Variants in ACYP2 observed in about 807,000 individuals in gnomAD.
ACYP2 encodes acylphosphatase 2.
In ACYP2, 12 loss-of-function variants were observed where a neutral mutation model predicts 11.2. The ratio of observed to expected loss-of-function variants is 1.08; its 90% CI spans 0.69 to 1.74. ACYP2 has a LOEUF of 1.74. Ranked by LOEUF, ACYP2 falls within the 40% of genes most tolerant of loss-of-function variation. The pLI, the probability that ACYP2 is intolerant of heterozygous loss-of-function variation, is 0.00. For synonymous variants in ACYP2, 43 were observed against 32.2 expected (o/e 1.33, Z -1.13); for missense variants, 134 against 101.9 (o/e 1.31, Z -1.35).
At chr2:54,125,792 G>T (rs1178064567) in intron 4 of ACYP2, among the ~76,000 whole-genome samples, 1 of 149,858 alleles carries the variant, frequency 6.7e-6, no homozygotes. Flanking sequence ...TATTAAAAAG[G>T]GGATTCAGGC....
At chr2:54,285,161 A>G (rs1689023191) in intron 6 of ACYP2, among the ~76,000 whole-genome samples, 1 of 152,198 alleles carries the variant, frequency 6.6e-6, no homozygotes, top group South Asian at 2.1e-4. Context: ...TTATAAGGGT[A>G]CTGGTCCCTT....
chr2:54,086,355 C>A (rs1353361845), intron 4 of ACYP2, among the ~76,000 whole-genome samples: 1 of 152,138 alleles, frequency 6.6e-6, no homozygotes, highest in African/African-American at 2.4e-5. Flanking sequence ...TCCTCTAAAA[C>A]CTACACAGTG....
At chr2:54,053,723 C>G (rs1573616756) in intron 3 of ACYP2, among the ~76,000 whole-genome samples, 1 of 152,194 alleles carries the variant, frequency 6.6e-6, no homozygotes, top group East Asian at 1.9e-4. Context: ...CAAGTTTGTC[C>G]TTTTTTGGAA....
intron 2 of ACYP2, among the ~76,000 whole-genome samples, chr2:54,002,263 T>C (rs534370114): frequency 6.6e-6 from 1 of 152,334 alleles, no homozygotes; most frequent in South Asian, 2.1e-4. Flanking sequence ...ATACAGTATG[T>C]AGTGTTTTCC....
chr2:54,190,278 C>G (rs957757733), intron 6 of ACYP2, among the ~76,000 whole-genome samples: 2 of 152,038 alleles, frequency 1.3e-5, no homozygotes, highest in African/African-American at 4.8e-5. Context: ...CAGTCTCATC[C>G]TTTAAAACAA....
chr2:54,011,947 C>G (rs1266478601), intron 2 of ACYP2, among the ~76,000 whole-genome samples: 1 of 152,038 alleles, frequency 6.6e-6, no homozygotes, highest in Non-Finnish European at 1.5e-5. Flanking sequence ...ATTTAAAATA[C>G]TCCTGGGGCC....
chr2:54,013,592 G>A (rs574217798), intron 2 of ACYP2, among the ~76,000 whole-genome samples: 11 of 151,876 alleles, frequency 7.2e-5, no homozygotes, highest in Non-Finnish European at 1.5e-4. Flanking sequence ...GAGCCACTGC[G>A]CACGGCCACC....
intron 6 of ACYP2, among the ~76,000 whole-genome samples, chr2:54,145,600 TA>T (rs1681844544): frequency 6.6e-6 from 1 of 152,196 alleles, no homozygotes; most frequent in African/African-American, 2.4e-5. Flanking sequence ...TCTTGTTTCA[TA>T]TATTCCTCCA....
chr2:53,996,877 C>G (rs1672597642), intron 2 of ACYP2, among the ~76,000 whole-genome samples: 1 of 152,174 alleles, frequency 6.6e-6, no homozygotes, highest in African/African-American at 2.4e-5. Flanking sequence ...ATTAATCTTT[C>G]TAAAAGATCA....
At chr2:54,196,936 G>A (rs560218829) in intron 6 of ACYP2, among the ~76,000 whole-genome samples, 11 of 152,330 alleles carry the variant, frequency 7.2e-5, no homozygotes, top group South Asian at 6.2e-4. Context: ...ATTTTCATGT[G>A]TGCTGGACAC....
intron 2 of ACYP2, among the ~76,000 whole-genome samples, chr2:53,995,300 T>C (rs1364536943): frequency 2.0e-5 from 3 of 152,116 alleles, no homozygotes; most frequent in Non-Finnish European, 4.4e-5. Flanking sequence ...TAATCTCAAG[T>C]TACATCAGAG....
At chr2:54,219,526 T>A (rs1685692964) in intron 6 of ACYP2, among the ~76,000 whole-genome samples, 3 of 152,178 alleles carry the variant, frequency 2.0e-5, no homozygotes, top group Admixed American at 2.0e-4. Flanking sequence ...ATGACATATA[T>A]TAAAGTTTAA....
intron 2 of ACYP2, chr2:53,975,419 G>T: frequency 2.5e-6 from 1 of 393,762 alleles, no homozygotes; most frequent in Non-Finnish European, 4.5e-6. Flanking sequence ...CCTTTCTTTC[G>T]GGGAGCTGGT....
chr2:54,146,311 C>CAACA (rs1370543535), intron 6 of ACYP2, among the ~76,000 whole-genome samples: 3 of 152,210 alleles, frequency 2.0e-5, no homozygotes, highest in African/African-American at 7.2e-5. Flanking sequence ...TCACAACCAT[C>CAACA]TGCCTTTGTG....
chr2:54,052,341 T>C (rs1463390937), intron 3 of ACYP2, among the ~76,000 whole-genome samples: 1 of 152,150 alleles, frequency 6.6e-6, no homozygotes, highest in African/African-American at 2.4e-5. Context: ...AACCCTGTCC[T>C]GGTGGCATTT....
intron 6 of ACYP2, among the ~76,000 whole-genome samples, chr2:54,291,063 A>T (rs187638326): frequency 1.8e-4 from 27 of 152,208 alleles, no homozygotes; most frequent in Admixed American, 3.9e-4. Context: ...CTCTAAAACC[A>T]TGCAAATCTA....
chr2:54,099,628 C>T (rs1483700119), intron 4 of ACYP2, among the ~76,000 whole-genome samples: 2 of 152,202 alleles, frequency 1.3e-5, no homozygotes. Context: ...TTTGTTAACA[C>T]TGTTCCATTA....
At chr2:54,029,069 G>A (rs1558481178) in intron 2 of ACYP2, among the ~76,000 whole-genome samples, 1 of 152,140 alleles carries the variant, frequency 6.6e-6, no homozygotes. Flanking sequence ...GGAGGCCGAG[G>A]TAGGAGCATG....
chr2:54,001,720 C>T (rs143518837), intron 2 of ACYP2, among the ~76,000 whole-genome samples: 7 of 152,310 alleles, frequency 4.6e-5, no homozygotes, highest in African/African-American at 1.7e-4. Context: ...GCGTCCTATT[C>T]CTGCAGAAAT....
Sources: gnomAD v4.1 joint callset for allele counts (sites outside exome capture counted in the v4.1 genomes callset) on GRCh38, gnomAD v4.1.1 for gene constraint, MANE v1.5 for transcripts, NCBI Gene and HGNC (gene_info 2026-07-23, HGNC 2026-07-21) for gene names.